The following TRPM5 variants were observed in gnomAD, a reference collection of about 807,000 sequenced individuals.
The protein encoded by TRPM5 is transient receptor potential cation channel subfamily M member 5, also known as MLSN1 and TRP-related.
Under a neutral mutation model 124.9 loss-of-function variants are expected in TRPM5, and 121 were observed. The observed-to-expected ratio is 0.97, with a 90% CI of 0.84 to 1.13. The LOEUF (loss-of-function observed/expected upper bound fraction) is 1.13. Among genes scored for constraint, TRPM5 ranks in the 50% most tolerant of loss-of-function variants. TRPM5 has a pLI of 0.00. For synonymous variants in TRPM5, 781 were observed against 700.5 expected (o/e 1.11, Z -1.81); for missense variants, 1,643 against 1,589.1 (o/e 1.03, Z -0.58).
intron 13 of TRPM5, 53 bp from the exon 19 acceptor site, chr11:2,413,279 GC>G (rs1208848652): frequency 1.4e-5 from 21 of 1,478,228 alleles, no homozygotes; most frequent in Non-Finnish European, 1.6e-5. Context: ...AGAGGCGCCT[GC>G]CTGGCTCCAG....
chr11:2,416,987 G>A (rs1289899600), intron 7 of TRPM5, among the ~76,000 whole-genome samples: 1 of 152,182 alleles, frequency 6.6e-6, no homozygotes, highest in Non-Finnish European at 1.5e-5. Flanking sequence ...AGGGAACCAT[G>A]GACACGAAAT....
the TRPM5 span, among the ~76,000 whole-genome samples, chr11:2,430,531 T>C: frequency 6.6e-6 from 1 of 151,398 alleles, no homozygotes; most frequent in Non-Finnish European, 1.5e-5. Context: ...ATGATGATAG[T>C]GCTGGTGGTG....
intron 12 of TRPM5, 34 bp downstream of exon 17, chr11:2,414,027 C>CCCT: frequency 6.5e-7 from 1 of 1,542,350 alleles, no homozygotes; most frequent in Non-Finnish European, 8.8e-7. Flanking sequence ...ACCCCACCCC[C>CCCT]TGGCAGCTCT....
chr11:2,414,938 C>A lies in TRPM5; in HGVS notation c.1589G>T (p.Arg530Leu), dbSNP rs755250213. ...CCAGAAGTAGGTGGCCATCTCGTGG[C>A]GGTTCTGCAGCACGGCCCACAGGAA... The change falls in exon 10 of 24, where the codon CGC becomes CTC. Residue 530 changes from arginine to leucine, a missense_variant. Coordinates refer to ENST00000155858, the Ensembl canonical transcript of TRPM5. 1.1e-5 allele frequency: 17 copies of A among 1,605,094 alleles called. No individual in the cohort carries two copies. Among genetic ancestry groups the A allele is most frequent in the African/African-American group, 6.7e-5 (5 of 74,876 alleles).
chr11:2,424,661 C>G (rs375225129), upstream of TRPM5, among the ~76,000 whole-genome samples: 1 of 152,246 alleles, frequency 6.6e-6, no homozygotes, highest in African/African-American at 2.4e-5. Context: ...ACACCTGGAG[C>G]CCCGAAGCTG....
chr11:2,414,025 C>A, intron 12 of TRPM5, 36 bp downstream of exon 17: 1 of 1,541,624 alleles, frequency 6.5e-7, no homozygotes, highest in South Asian at 1.2e-5. Context: ...CCACCCCACC[C>A]CCTGGCAGCT....
chr11:2,431,096 A>C, the TRPM5 span, among the ~76,000 whole-genome samples: 10 of 152,208 alleles, frequency 6.6e-5, no homozygotes, highest in South Asian at 1.9e-3. Context: ...GCTGCTCTGT[A>C]AATGTCCCTT....
the TRPM5 span, among the ~76,000 whole-genome samples, chr11:2,430,225 T>C: frequency 1.3e-5 from 2 of 151,298 alleles, no homozygotes; most frequent in East Asian, 2.0e-4. Flanking sequence ...GAACTCCTGC[T>C]GGCTCCCTCT....
At position 2,417,936 on chromosome 11, in the gene TRPM5, C is replaced by T. The variant is rs1845709453; in HGVS notation, c.907-107G>A. 2.5e-6 allele frequency: 3 copies of T among 1,177,756 alleles called. No individual in the cohort carries two copies. The South Asian group carries it at 4.1e-5, about 16-fold the overall frequency. The allele number at this position is 1,177,756 out of a possible 1,614,324, so 73.0% of individuals were successfully genotyped here. On this transcript the variant is annotated intron_variant, in intron 6 of 23. Transcript: ENST00000155858. ...GCACAGGCAGCGTCCCCAGGTGAGC[C>T]TTGCAGCCTGCATGCCCACCGCCCA...
the TRPM5 span, among the ~76,000 whole-genome samples, chr11:2,430,629 G>C: frequency 6.6e-6 from 1 of 151,214 alleles, no homozygotes; most frequent in Admixed American, 6.6e-5. Flanking sequence ...GTTGGTGGCA[G>C]TGATGAGGGT....
At chr11:2,405,615 G>A (rs199613055) in intron 22 of TRPM5, 22 bp from the exon 28 acceptor site, 287 of 1,553,660 alleles carry the variant, frequency 1.8e-4, no homozygotes, top group Admixed American at 1.6e-3. Context: ...AAACACGTCC[G>A]GGAAGCTCCA....
At chr11:2,405,579 C>T (rs372894069) in exon 23 of TRPM5, 35 of 1,564,146 alleles carry the variant, frequency 2.2e-5, no homozygotes, top group Middle Eastern at 1.7e-4. Flanking sequence ...ACACGAGCAC[C>T]GAGCAGTAGT....
intron 7 of TRPM5, among the ~76,000 whole-genome samples, chr11:2,416,723 C>T (rs889512729): frequency 3.3e-5 from 5 of 152,222 alleles, no homozygotes; most frequent in African/African-American, 1.2e-4. Context: ...TCAAGGTGTC[C>T]CCAGCCCCTG....
intron 4 of TRPM5, among the ~76,000 whole-genome samples, chr11:2,419,389 C>T (rs1845733356): frequency 6.6e-6 from 1 of 151,110 alleles, no homozygotes; most frequent in Admixed American, 6.6e-5. Context: ...AGGCAGATCA[C>T]CTGAGATCAG....
At chr11:2,416,550 G>A (rs968232772) in intron 7 of TRPM5, among the ~76,000 whole-genome samples, 1 of 152,184 alleles carries the variant, frequency 6.6e-6, no homozygotes, top group African/African-American at 2.4e-5. Flanking sequence ...CATGGACCCC[G>A]TAAGACTACG....
At chr11:2,407,161 G>C (rs1311364151) in exon 20 of TRPM5, 6 of 1,610,542 alleles carry the variant, frequency 3.7e-6, no homozygotes, top group East Asian at 2.2e-5. Flanking sequence ...TTGAAGACCC[G>C]GCGGAGCGTC....
At chr11:2,436,162 C>T in the TRPM5 span, among the ~76,000 whole-genome samples, 12 of 152,368 alleles carry the variant, frequency 7.9e-5, no homozygotes, top group Non-Finnish European at 1.2e-4. Flanking sequence ...CCTCCTCCTC[C>T]CCTACTGATC....
In TRPM5 at chr11:2,414,149, C is replaced by T. The variant is rs199989564; in HGVS notation, c.1802G>A (p.Arg601His). The T allele has an allele frequency of 6.7e-5, 108 of 1,608,478 alleles. No individual in the cohort carries two copies. The Admixed American group carries it at 7.9e-4, about 12-fold the overall frequency. Residue 601 changes from arginine to histidine, a missense_variant, in exon 12 of 24, where the codon CGC becomes CAC. Coordinates refer to ENST00000155858, the Ensembl canonical transcript of TRPM5. ...GGTCTTGCTCCAGCAGCGGTTCCGG[C>T]GCACCAGCAGGGCGAAGGCGCGGGC... is the stretch of plus-strand genomic sequence containing the variant.
At chr11:2,423,649 A>T (rs1386271999), upstream of TRPM5, among the ~76,000 whole-genome samples, 2 of 152,172 alleles carry the variant, frequency 1.3e-5, no homozygotes, top group African/African-American at 4.8e-5. Flanking sequence ...CCCACACAGC[A>T]TCAGCAGCAG....
Sources: allele counts gnomAD v4.1 joint callset (sites outside exome capture counted in the v4.1 genomes callset), GRCh38; gene constraint gnomAD v4.1.1; transcripts MANE v1.5; gene names NCBI Gene and HGNC (gene_info 2026-07-23, HGNC 2026-07-21).